SNX25: variants seen among roughly 807,000 people sequenced by gnomAD.
SNX25 encodes the protein sorting nexin-25.
In SNX25, 62 loss-of-function variants were observed where a neutral mutation model predicts 113.7. The observed-to-expected ratio is 0.55, with a 90% CI of 0.44 to 0.67. The LOEUF is 0.67. Among genes scored for constraint, SNX25 ranks in the 30% least tolerant of loss-of-function variants. SNX25 has a pLI of 0.00. For missense variants in SNX25, 1,014 were observed against 1,161.0 expected, an observed-to-expected ratio of 0.87 and a Z score of 1.84; for synonymous variants, 421 against 436.2, an observed-to-expected ratio of 0.97 and a Z score of 0.43.
chr4:185,239,991 G>T (rs1183424096), intron 1 of SNX25, among the ~76,000 whole-genome samples: 2 of 150,716 alleles, frequency 1.3e-5, no homozygotes, highest in Non-Finnish European at 3.0e-5. Context: ...CTTCCTTCAA[G>T]CATCTGTTTA....
intron 16 of SNX25, among the ~76,000 whole-genome samples, chr4:185,361,467 G>GTA: frequency 6.6e-6 from 1 of 152,356 alleles, no homozygotes; most frequent in Admixed American, 6.5e-5. Context: ...GCCAGGCACG[G>GTA]TAGCTCATGC....
chr4:185,222,463 A>G (rs1740127880), intron 1 of SNX25, among the ~76,000 whole-genome samples: 1 of 151,460 alleles, frequency 6.6e-6, no homozygotes, highest in Non-Finnish European at 1.5e-5. Flanking sequence ...GTAGGTATTC[A>G]GCACCCTATA....
intron 1 of SNX25, among the ~76,000 whole-genome samples, chr4:185,217,630 G>C (rs143286580): frequency 6.6e-6 from 1 of 152,222 alleles, no homozygotes; most frequent in African/African-American, 2.4e-5. Context: ...ATTGGTAATG[G>C]TAATTGACTG....
intron 1 of SNX25, among the ~76,000 whole-genome samples, chr4:185,243,343 C>T (rs1435503717): frequency 1.3e-5 from 2 of 152,160 alleles, no homozygotes; most frequent in African/African-American, 4.8e-5. Context: ...GGCATGGTGA[C>T]TCATGCTTGT....
intron 3 of SNX25, among the ~76,000 whole-genome samples, chr4:185,259,376 A>G (rs1156241091): frequency 2.0e-5 from 3 of 152,226 alleles, no homozygotes; most frequent in Non-Finnish European, 4.4e-5. Context: ...AGTGTTTTCT[A>G]ATATGAACAG....
At chr4:185,346,277 G>A (rs1397206093) in intron 12 of SNX25, among the ~76,000 whole-genome samples, 2 of 152,200 alleles carry the variant, frequency 1.3e-5, no homozygotes, top group Non-Finnish European at 2.9e-5. Context: ...CCTGCGTGGT[G>A]TGCAGATCCC....
intron 2 of SNX25, among the ~76,000 whole-genome samples, chr4:185,257,196 CCT>C (rs1746581654): frequency 7.5e-6 from 1 of 132,942 alleles, no homozygotes; most frequent in African/African-American, 2.9e-5. Context: ...AAAAAAAAAA[CCT>C]CTGAGAAACA....
intron 1 of SNX25, among the ~76,000 whole-genome samples, chr4:185,247,079 A>G (rs756226916): frequency 2.0e-5 from 3 of 152,072 alleles, no homozygotes; most frequent in Non-Finnish European, 2.9e-5. Context: ...CAGTCATTAT[A>G]CTGTTTTGAT....
chr4:185,226,541 C>A (rs1433976706), intron 1 of SNX25, among the ~76,000 whole-genome samples: 1 of 152,198 alleles, frequency 6.6e-6, no homozygotes, highest in Non-Finnish European at 1.5e-5. Flanking sequence ...GCCTTGACCT[C>A]CTGGACTAAA....
intron 7 of SNX25, among the ~76,000 whole-genome samples, chr4:185,313,157 G>T (rs1286804118): frequency 6.6e-6 from 1 of 152,144 alleles, no homozygotes; most frequent in Non-Finnish European, 1.5e-5. Flanking sequence ...TTTTTAAAAG[G>T]CAAGGCAGTT....
chr4:185,281,849 C>T (rs1218371270), intron 5 of SNX25, among the ~76,000 whole-genome samples: 1 of 151,934 alleles, frequency 6.6e-6, no homozygotes, highest in Non-Finnish European at 1.5e-5. Context: ...AACGTCATCT[C>T]TACGAAAAAT....
intron 6 of SNX25, among the ~76,000 whole-genome samples, chr4:185,290,349 T>C (rs1751970679): frequency 6.6e-6 from 1 of 152,186 alleles, no homozygotes; most frequent in Non-Finnish European, 1.5e-5. Flanking sequence ...GCAACTCTTT[T>C]GGGTATCCTG....
At chr4:185,235,318 T>C (rs1044389657) in intron 1 of SNX25, among the ~76,000 whole-genome samples, 4 of 152,252 alleles carry the variant, frequency 2.6e-5, no homozygotes, top group Non-Finnish European at 5.9e-5. Flanking sequence ...TTTTGGAAGC[T>C]GTGTTGGTCT....
In SNX25 at chr4:185,210,051, G is replaced by A; in HGVS notation, c.225G>A (p.Gly75=). The change falls in exon 1 of 19, where the codon GGG becomes GGA. Residue 75 remains glycine, a synonymous_variant. Transcript: ENST00000652585. The surrounding 1 kb of genome is among the most constrained non-coding windows in gnomAD (Gnocchi z 4.4). ...ALAAVALSFL[G]PGSGEAAGAA... ...CCGCCGTGGCCCTCTCCTTCCTGGGGCCCGGCAGCGGGGAGGCGGCGGGGG... is the reference window on the plus strand; with the variant it reads ...CCGCCGTGGCCCTCTCCTTCCTGGGACCCGGCAGCGGGGAGGCGGCGGGGG... 3 of 983,788 alleles carry A rather than the reference G, an allele frequency of 3.0e-6. No homozygotes were observed. The highest frequency in any genetic ancestry group is 3.6e-6 in the Non-Finnish European group (3 of 829,284). 60.9% of individuals were successfully genotyped at this position (983,788 alleles called of 1,614,324 possible).
At chr4:185,286,105 T>A (rs1223957166) in intron 5 of SNX25, among the ~76,000 whole-genome samples, 10 of 151,648 alleles carry the variant, frequency 6.6e-5, no homozygotes, top group Admixed American at 6.6e-4. Context: ...TTGTTTTGTT[T>A]TGTTTTGTTT....
At chr4:185,348,232 G>A (rs2095297812) in intron 13 of SNX25, among the ~76,000 whole-genome samples, 1 of 151,922 alleles carries the variant, frequency 6.6e-6, no homozygotes, top group African/African-American at 2.4e-5. Context: ...ATGGAACTTT[G>A]CCTCATAAAA....
At chr4:185,275,449 T>C (rs1749525776) in intron 5 of SNX25, among the ~76,000 whole-genome samples, 1 of 149,474 alleles carries the variant, frequency 6.7e-6, no homozygotes, top group Admixed American at 6.6e-5. Context: ...TTAATTAATG[T>C]AAAAGATTGC....
chr4:185,220,618 A>AC (rs1320995295), intron 1 of SNX25, among the ~76,000 whole-genome samples: 1 of 151,024 alleles, frequency 6.6e-6, no homozygotes, highest in Non-Finnish European at 1.5e-5. Flanking sequence ...AGTAGCTGGG[A>AC]TAAGGGTGCC....
intron 7 of SNX25, among the ~76,000 whole-genome samples, chr4:185,317,105 A>C (rs1335406012): frequency 6.6e-6 from 1 of 152,232 alleles, no homozygotes; most frequent in Non-Finnish European, 1.5e-5. Context: ...AGAATCTACA[A>C]GGAACTTAAA....
Sources: allele counts gnomAD v4.1 joint callset (sites outside exome capture counted in the v4.1 genomes callset), GRCh38; gene constraint gnomAD v4.1.1; non-coding constraint Gnocchi (gnomAD v3.1); transcripts MANE v1.5; gene names NCBI Gene and HGNC (gene_info 2026-07-23, HGNC 2026-07-21).